The following PLAC1 variants were observed in gnomAD, a reference collection of about 807,000 sequenced individuals.
PLAC1 encodes placenta-specific protein 1.
For synonymous variants in PLAC1, 68 were observed against 62.1 expected, an observed-to-expected ratio of 1.09 and a Z score of -0.44; for missense variants, 136 against 163.2, an observed-to-expected ratio of 0.83 and a Z score of 0.91.
intron 2 of PLAC1, among the ~76,000 whole-genome samples, chrX:134,730,000 A>G (rs2078684191): frequency 9.0e-6 from 1 of 110,983 alleles, no homozygotes; most frequent in Non-Finnish European, 1.9e-5. Context: ...CATGTTGGCC[A>G]GGCTGGTCTC....
At chrX:134,731,145 A>C (rs979222145) in intron 2 of PLAC1, among the ~76,000 whole-genome samples, 1 of 112,281 alleles carries the variant, frequency 8.9e-6, no homozygotes, top group Non-Finnish European at 1.9e-5. Flanking sequence ...AAGAATATGA[A>C]TATTCCTGCA....
chrX:134,723,183 T>C (rs1202992833), intron 2 of PLAC1, among the ~76,000 whole-genome samples: 6 of 111,843 alleles, frequency 5.4e-5, no homozygotes, highest in Admixed American at 1.9e-4. Context: ...ATAATAATTC[T>C]AATAGTGCTT....
At chrX:134,758,430 G>A (rs908038647) in intron 1 of PLAC1, among the ~76,000 whole-genome samples, 2 of 111,848 alleles carry the variant, frequency 1.8e-5, no homozygotes, top group African/African-American at 3.3e-5. Context: ...AAAACAGCAT[G>A]GTAATGGTAT....
chrX:134,601,316 T>C (rs1299823922), intron 2 of PLAC1, among the ~76,000 whole-genome samples: 1 of 112,342 alleles, frequency 8.9e-6, no homozygotes, highest in African/African-American at 3.2e-5. Context: ...TGAATTTCCA[T>C]GTATTTGTAT....
intron 2 of PLAC1, among the ~76,000 whole-genome samples, chrX:134,722,523 A>C (rs1408092000): frequency 9.0e-6 from 1 of 111,709 alleles, no homozygotes; most frequent in Non-Finnish European, 1.9e-5. Context: ...AGTTGGGGCG[A>C]GGAGGAAATG....
chrX:134,660,658 A>G (rs188321350), upstream of PLAC1, among the ~76,000 whole-genome samples: 1 of 112,244 alleles, frequency 8.9e-6, no homozygotes, highest in East Asian at 2.8e-4. Context: ...GCTAAGCTAC[A>G]TGGAGGACAG....
intron 2 of PLAC1, among the ~76,000 whole-genome samples, chrX:134,569,165 A>G (rs1031799973): frequency 9.0e-6 from 1 of 111,174 alleles, no homozygotes; most frequent in Non-Finnish European, 1.9e-5. Context: ...TCCCTCAAGC[A>G]TCTTTCCTGT....
intron 2 of PLAC1, among the ~76,000 whole-genome samples, chrX:134,665,642 T>C (rs749068012): frequency 6.3e-4 from 70 of 111,387 alleles, no homozygotes; most frequent in Non-Finnish European, 8.8e-4. Context: ...ATTATTCCCC[T>C]GTCACAGGGG....
At position 134,673,874 on chromosome X, in the gene PLAC1, C is replaced by T. The variant is rs763556592; in HGVS notation, n.174+59561G>A. Among the ~76,000 whole-genome samples, 135 of 113,096 alleles carry T rather than the reference C, an allele frequency of 1.2e-3. 2 individuals are homozygous for T. The Admixed American group carries it at 0.012, about 10-fold the overall frequency. On this transcript the variant is annotated intron_variant and non_coding_transcript_variant, in intron 2 of 2. Transcript: ENST00000466797. ...CAAATGTCCCTCACTTGCCTTCACTCTTCTGTTCATGAGAAGAAATGTGGC... is the reference window on the plus strand; with the variant it reads ...CAAATGTCCCTCACTTGCCTTCACTTTTCTGTTCATGAGAAGAAATGTGGC...
intron 1 of PLAC1, among the ~76,000 whole-genome samples, chrX:134,741,493 C>T (rs756165023): frequency 9.9e-5 from 11 of 111,396 alleles, no homozygotes; most frequent in African/African-American, 3.6e-4. Context: ...AAGGAATAGA[C>T]ATACCCAATC....
At chrX:134,755,055 TTTC>T (rs1569415285) in intron 1 of PLAC1, among the ~76,000 whole-genome samples, 1 of 111,719 alleles carries the variant, frequency 9.0e-6, no homozygotes, top group East Asian at 2.8e-4. Context: ...ATTTGCAACT[TTTC>T]TTATTTTTGA....
intron 2 of PLAC1, among the ~76,000 whole-genome samples, chrX:134,667,535 G>A (rs763597967): frequency 3.6e-5 from 4 of 111,753 alleles, no homozygotes; most frequent in Non-Finnish European, 5.6e-5. Context: ...AACAACTGAC[G>A]GTGAGAATGT....
intron 1 of PLAC1, among the ~76,000 whole-genome samples, chrX:134,606,524 A>G (rs2078123892): frequency 8.9e-6 from 1 of 111,986 alleles, no homozygotes; most frequent in Admixed American, 9.5e-5. Context: ...AAAGAAAAAT[A>G]GATGTTGGTG....
chrX:134,632,373 G>A (rs1354114552), intron 1 of PLAC1, among the ~76,000 whole-genome samples: 1 of 112,164 alleles, frequency 8.9e-6, no homozygotes, highest in African/African-American at 3.2e-5. Flanking sequence ...TGGTTCCACA[G>A]TCCTTTTGCA....
In PLAC1 at chrX:134,592,763, G is replaced by A. The variant is rs190202802; in HGVS notation, c.-59+9288C>T. On this transcript the variant is annotated intron_variant, in intron 2 of 2. Coordinates refer to ENST00000359237, the MANE Select transcript of PLAC1 (RefSeq NM_021796.4). The stretch of plus-strand genomic sequence containing the variant: ...TTTTGAGACAGAGTCTCGCTCTGTC[G>A]CCCAGGCTGGAGTGCAGTGACGCGA... Among the ~76,000 whole-genome samples, 705 of 85,880 alleles carry A rather than the reference G, an allele frequency of 8.2e-3. 6 individuals are homozygous for A. Among genetic ancestry groups the A allele is most frequent in the African/African-American group, 0.03 (650 of 21,684 alleles). The allele number at this position is 85,880 out of a possible 115,157, so 74.6% of individuals were successfully genotyped here.
intron 2 of PLAC1, among the ~76,000 whole-genome samples, chrX:134,681,082 C>T (rs1317625512): frequency 9.0e-6 from 1 of 111,306 alleles, no homozygotes; most frequent in Non-Finnish European, 1.9e-5. Context: ...AGAGAAGGGG[C>T]CTCATCTGTC....
intron 2 of PLAC1, among the ~76,000 whole-genome samples, chrX:134,669,870 C>T (rs2078449673): frequency 8.9e-6 from 1 of 112,068 alleles, no homozygotes; most frequent in Non-Finnish European, 1.9e-5. Flanking sequence ...CTGAGTCAGG[C>T]CAGTCTGCTC....
At chrX:134,646,431 T>A (rs1353956121) in intron 1 of PLAC1, among the ~76,000 whole-genome samples, 3 of 112,624 alleles carry the variant, frequency 2.7e-5, no homozygotes, top group Non-Finnish European at 5.6e-5. Context: ...CTCCTTTTGG[T>A]GCATTGAAAA....
chrX:134,709,593 C>T (rs2078621759), intron 2 of PLAC1, among the ~76,000 whole-genome samples: 1 of 110,901 alleles, frequency 9.0e-6, no homozygotes, highest in Admixed American at 9.6e-5. Flanking sequence ...CAGAGCGAGA[C>T]TCTATCTCAA....
Sources: allele counts gnomAD v4.1 joint callset (sites outside exome capture counted in the v4.1 genomes callset), GRCh38; gene constraint gnomAD v4.1.1; transcripts MANE v1.5; gene names NCBI Gene and HGNC (gene_info 2026-07-23, HGNC 2026-07-21).